The following CTNNA2 variants were observed in gnomAD, a reference collection of about 807,000 sequenced individuals.
The protein encoded by CTNNA2 is catenin alpha 2.
Under a neutral mutation model 101.0 loss-of-function variants are expected in CTNNA2, and 42 were observed. The observed-to-expected ratio is 0.42, with a 90% CI of 0.32 to 0.54. The LOEUF (loss-of-function observed/expected upper bound fraction) is 0.54. Ranked by LOEUF, CTNNA2 falls within the 20% of genes least tolerant of loss-of-function variation. The probability of loss-of-function intolerance (pLI) is 0.14; values close to 1 mark genes in which losing one functional copy is unlikely to be tolerated. For synonymous variants in CTNNA2, 450 were observed against 456.4 expected, an observed-to-expected ratio of 0.99 and a Z score of 0.18; for missense variants, 871 against 1,223.1, an observed-to-expected ratio of 0.71 and a Z score of 4.29.
At chr2:80,075,333 C>T (rs1471831203) in intron 7 of CTNNA2, among the ~76,000 whole-genome samples, 2 of 151,892 alleles carry the variant, frequency 1.3e-5, no homozygotes, top group Non-Finnish European at 2.9e-5. Context: ...GTTAGCTGTA[C>T]CTGAATTCTA....
intron 4 of CTNNA2, among the ~76,000 whole-genome samples, chr2:79,417,089 T>G (rs1678492757): frequency 6.6e-6 from 1 of 152,122 alleles, no homozygotes; most frequent in Admixed American, 6.6e-5. Flanking sequence ...CTAAGATCTT[T>G]AGGTTCAGCA....
chr2:80,055,648 GACTGCAGAGCTGCAC>G (rs57305851), intron 7 of CTNNA2, among the ~76,000 whole-genome samples: 4,253 of 152,184 alleles, frequency 0.028, 195 homozygotes, highest in African/African-American at 0.097. Flanking sequence ...CCATAGCTGG[GACTGCAGAGCTGCAC>G]TCGTCTTTAG....
intron 2 of CTNNA2, among the ~76,000 whole-genome samples, chr2:79,213,973 G>T (rs1674212516): frequency 6.6e-6 from 1 of 152,192 alleles, no homozygotes; most frequent in South Asian, 2.1e-4. Context: ...AGGTCAAGTT[G>T]TTTGGACAGA....
intron 3 of CTNNA2, among the ~76,000 whole-genome samples, chr2:79,855,993 G>T (rs949866581): frequency 6.6e-6 from 1 of 152,230 alleles, no homozygotes; most frequent in African/African-American, 2.4e-5. Flanking sequence ...AGAGGCAAGA[G>T]GAGGAGATGT....
At chr2:80,276,413 G>C (rs369894887) in intron 7 of CTNNA2, among the ~76,000 whole-genome samples, 10 of 152,262 alleles carry the variant, frequency 6.6e-5, no homozygotes, top group African/African-American at 2.2e-4. Flanking sequence ...CTGTAACCCA[G>C]TTCTGACACT....
intron 7 of CTNNA2, among the ~76,000 whole-genome samples, chr2:80,314,682 G>A (rs187355714): frequency 3.9e-5 from 6 of 152,320 alleles, no homozygotes; most frequent in African/African-American, 7.2e-5. Flanking sequence ...GGATGATGCT[G>A]TCTGCCTCAT....
chr2:79,830,189 T>A (rs998497469), intron 3 of CTNNA2, among the ~76,000 whole-genome samples: 2 of 67,038 alleles, frequency 3.0e-5, no homozygotes, highest in African/African-American at 4.3e-5. Flanking sequence ...GGAGATAGAG[T>A]ATTTATTCAG....
In CTNNA2 at chr2:79,944,373, A is replaced by G. The variant is rs987428494; in HGVS notation, c.1056+34576A>G. Reference sequence around the variant, plus strand: ...ACTTTATTAATTCAGTAAACAAGTCATATATGTACCCAACTTTAAAGTGAT... The same window carrying G: ...ACTTTATTAATTCAGTAAACAAGTCGTATATGTACCCAACTTTAAAGTGAT... On this transcript the variant is annotated intron_variant, in intron 7 of 18. Transcript: ENST00000402739. 4.6e-5 allele frequency among the ~76,000 whole-genome samples: 7 copies of G among 152,356 alleles called. No homozygotes were observed. In the South Asian group the frequency reaches 1.4e-3, roughly 32 times the overall value.
intron 4 of CTNNA2, among the ~76,000 whole-genome samples, chr2:79,416,258 T>C (rs927836539): frequency 1.4e-3 from 60 of 43,188 alleles, no homozygotes; most frequent in Non-Finnish European, 1.8e-3. Context: ...TTTCCTTTTC[T>C]TTTTTTTTTT....
At chr2:79,943,987 A>G (rs530306237) in intron 7 of CTNNA2, among the ~76,000 whole-genome samples, 2 of 152,356 alleles carry the variant, frequency 1.3e-5, no homozygotes, top group South Asian at 4.1e-4. Context: ...GAGTTCACCC[A>G]TTAATTAATA....
At chr2:79,212,253 T>A (rs1316399584) in intron 2 of CTNNA2, among the ~76,000 whole-genome samples, 2 of 152,114 alleles carry the variant, frequency 1.3e-5, no homozygotes, top group African/African-American at 2.4e-5. Flanking sequence ...TATGAGTAGT[T>A]GAGAACGGTG....
intron 2 of CTNNA2, among the ~76,000 whole-genome samples, chr2:79,279,977 T>G (rs562377244): frequency 6.6e-6 from 1 of 152,098 alleles, no homozygotes; most frequent in Non-Finnish European, 1.5e-5. Context: ...ATCCTGAAAA[T>G]GTATTCAACC....
At chr2:79,361,374 G>GA (rs962220919) in intron 3 of CTNNA2, among the ~76,000 whole-genome samples, 2 of 151,570 alleles carry the variant, frequency 1.3e-5, no homozygotes, top group Admixed American at 6.6e-5. Flanking sequence ...CCATTTGGCA[G>GA]AAAAAAAAGG....
In CTNNA2 at chr2:80,644,762, CTT is replaced by C. The variant is rs3836009; in HGVS notation, c.2575-2821_2575-2820del. 7.2e-3 allele frequency among the ~76,000 whole-genome samples: 1,092 copies of C among 152,260 alleles called. 31 individuals carry two copies. In the East Asian group the frequency reaches 0.11, roughly 15 times the overall value. ...GTTGGCTGGATCTCTCACCTCCTCACTTTACCTTGCTGCAAATTCAAGATCTG... is the reference window on the plus strand; with the variant it reads ...GTTGGCTGGATCTCTCACCTCCTCACTACCTTGCTGCAAATTCAAGATCTG... On this transcript the variant is annotated intron_variant, in intron 18 of 18. Transcript: ENST00000402739.
In CTNNA2 at chr2:79,714,859, A is replaced by G. The variant is rs151021211; in HGVS notation, c.103-29528A>G. 4.2e-3 allele frequency among the ~76,000 whole-genome samples: 639 copies of G among 152,186 alleles called. 1 individual carries two copies. Among genetic ancestry groups the G allele is most frequent in the Non-Finnish European group, 7.0e-3 (476 of 68,018 alleles). On this transcript the variant is annotated intron_variant, in intron 2 of 18. Coordinates refer to ENST00000402739, the MANE Select transcript of CTNNA2 (RefSeq NM_001282597.3). ...ATGTTAATCAACTAGCATGGCATGCATTCTTAGAAGGGCAAGTGTTTAGGG... is the reference window on the plus strand; with the variant it reads ...ATGTTAATCAACTAGCATGGCATGCGTTCTTAGAAGGGCAAGTGTTTAGGG...
intron 7 of CTNNA2, among the ~76,000 whole-genome samples, chr2:79,954,604 A>ATCTT (rs1397011022): frequency 1.3e-5 from 2 of 152,178 alleles, no homozygotes; most frequent in Non-Finnish European, 2.9e-5. Flanking sequence ...CAAACTGTTT[A>ATCTT]TCTTTGTGTG....
intron 7 of CTNNA2, among the ~76,000 whole-genome samples, chr2:80,105,689 A>G (rs750061049): frequency 6.6e-6 from 1 of 152,090 alleles, no homozygotes. Context: ...ATGATCGATC[A>G]TGCCACTGCA....
intron 7 of CTNNA2, among the ~76,000 whole-genome samples, chr2:79,965,693 G>T (rs144522645): frequency 2.0e-5 from 3 of 151,672 alleles, no homozygotes; most frequent in African/African-American, 4.8e-5. Flanking sequence ...GTGTGGTGTC[G>T]CATGCCTGTA....
Position 79,974,993 on chromosome 2 carries a change from G to A in CTNNA2, c.1056+65196G>A, listed in dbSNP as rs149973760. On this transcript the variant is annotated intron_variant, in intron 7 of 18. Transcript: ENST00000402739. ...GGGATAACAGGTGCAAAGGCCCTGA[G>A]GCCCAGAGTGTTCAGGAACATCAAG... Among the ~76,000 whole-genome samples, 127 of 152,256 alleles carry A rather than the reference G, an allele frequency of 8.3e-4. 1 individual carries two copies. The highest frequency in any genetic ancestry group is 2.6e-3 in the African/African-American group (107 of 41,564).
Sources: gnomAD v4.1 joint callset for allele counts (sites outside exome capture counted in the v4.1 genomes callset) on GRCh38, gnomAD v4.1.1 for gene constraint, MANE v1.5 for transcripts, NCBI Gene and HGNC (gene_info 2026-07-23, HGNC 2026-07-21) for gene names.